Variants in THSD7B observed in about 807,000 individuals in gnomAD.
THSD7B encodes thrombospondin type 1 domain containing 7B.
A neutral mutation model predicts 213.6 loss-of-function variants in THSD7B; 138 were observed. The ratio of observed to expected loss-of-function variants is 0.65; its 90% CI spans 0.56 to 0.74. THSD7B has a LOEUF of 0.74. Ranked by LOEUF, THSD7B falls within the 30% of genes least tolerant of loss-of-function variation. The pLI is 0.00. For synonymous variants in THSD7B, 742 were observed against 687.0 expected (o/e 1.08, Z -1.25); for missense variants, 1,931 against 1,991.5 (o/e 0.97, Z 0.58).
At chr2:136,855,511 C>A (rs990726099) in intron 1 of THSD7B, among the ~76,000 whole-genome samples, 4 of 152,136 alleles carry the variant, frequency 2.6e-5, no homozygotes, top group African/African-American at 9.7e-5. Flanking sequence ...CTGCAGCCTC[C>A]ACCTCCCAGG....
intron 12 of THSD7B, among the ~76,000 whole-genome samples, chr2:137,345,935 C>T (rs1319540962): frequency 6.6e-6 from 1 of 151,526 alleles, no homozygotes; most frequent in Non-Finnish European, 1.5e-5. Context: ...TATTTGCACC[C>T]ACTTTGATGA....
intron 1 of THSD7B, among the ~76,000 whole-genome samples, chr2:136,770,475 A>G (rs1318795871): frequency 1.3e-5 from 2 of 152,202 alleles, no homozygotes; most frequent in Non-Finnish European, 2.9e-5. Flanking sequence ...ATTGAAATAC[A>G]TGTGCTCCAG....
intron 7 of THSD7B, among the ~76,000 whole-genome samples, chr2:137,225,777 A>G (rs1681483659): frequency 8.6e-6 from 1 of 116,002 alleles, no homozygotes; most frequent in Non-Finnish European, 1.9e-5. Flanking sequence ...GAGTTTCTTT[A>G]TGTATTTCCT....
intron 2 of THSD7B, among the ~76,000 whole-genome samples, chr2:136,982,001 T>C (rs1487606847): frequency 6.6e-6 from 1 of 152,192 alleles, no homozygotes; most frequent in African/African-American, 2.4e-5. Flanking sequence ...TTGACATAAA[T>C]GTGATGCCAT....
At position 137,098,199 on chromosome 2, in the gene THSD7B, C is replaced by T. The variant is rs185755617; in HGVS notation, c.1199+3078C>T. Among the ~76,000 whole-genome samples, 616 of 152,310 alleles carry T rather than the reference C, an allele frequency of 4.0e-3. 5 individuals carry two copies. The highest frequency in any genetic ancestry group is 0.013 in the African/African-American group (559 of 41,570). ...CTTATTTCTCTCCAAGAAGTAAATG[C>T]ATGCCTATTTGATTCTTCATAGTGT... On this transcript the variant is annotated intron_variant, in intron 4 of 27. Transcript: ENST00000409968.
At position 136,791,435 on chromosome 2, in the gene THSD7B, T is replaced by C. The variant is rs550124334; in HGVS notation, c.-36+25748T>C. On this transcript the variant is annotated intron_variant, in intron 1 of 27. Transcript: ENST00000409968. Reference sequence around the variant, plus strand: ...ACAATACAATGGTGTTTAGTATATATATGAAGTGGTGCAGCCATCACTACA... The same window carrying C: ...ACAATACAATGGTGTTTAGTATATACATGAAGTGGTGCAGCCATCACTACA... Among the ~76,000 whole-genome samples, 5 of 152,086 alleles carry C rather than the reference T, an allele frequency of 3.3e-5. No individual in the cohort carries two copies. In the South Asian group the frequency reaches 1.0e-3, roughly 31 times the overall value.
At chr2:137,094,131 ATTTC>A (rs940067903) in intron 3 of THSD7B, among the ~76,000 whole-genome samples, 1 of 152,218 alleles carries the variant, frequency 6.6e-6, no homozygotes, top group Non-Finnish European at 1.5e-5. Flanking sequence ...CTGAGCCTAA[ATTTC>A]TTTATCTATC....
chr2:137,440,995 T>A (rs1687396950), intron 14 of THSD7B, among the ~76,000 whole-genome samples: 1 of 152,146 alleles, frequency 6.6e-6, no homozygotes, highest in East Asian at 1.9e-4. Context: ...ATGAAGCTGC[T>A]ATTTAAAGAG....
chr2:137,528,333 G>A (rs946521483), intron 15 of THSD7B, among the ~76,000 whole-genome samples: 1 of 152,076 alleles, frequency 6.6e-6, no homozygotes, highest in Admixed American at 6.6e-5. Context: ...GATAACTGCT[G>A]CCATGTCATT....
intron 1 of THSD7B, among the ~76,000 whole-genome samples, chr2:136,861,845 C>T (rs1389217787): frequency 6.6e-6 from 1 of 152,180 alleles, no homozygotes; most frequent in East Asian, 1.9e-4. Flanking sequence ...GGTTCTGGCT[C>T]AGGATCTTTC....
At chr2:137,413,572 A>C (rs1558789413) in intron 14 of THSD7B, among the ~76,000 whole-genome samples, 1 of 152,244 alleles carries the variant, frequency 6.6e-6, no homozygotes, top group Non-Finnish European at 1.5e-5. Context: ...TACAAAGCAC[A>C]TAACAAGGTT....
At chr2:137,573,347 A>G (rs1335609205) in intron 17 of THSD7B, among the ~76,000 whole-genome samples, 1 of 152,136 alleles carries the variant, frequency 6.6e-6, no homozygotes, top group African/African-American at 2.4e-5. Context: ...TGGAAAGACT[A>G]TGAAAATCTC....
chr2:137,334,127 G>A (rs755071437), intron 12 of THSD7B, among the ~76,000 whole-genome samples: 1 of 151,948 alleles, frequency 6.6e-6, no homozygotes, highest in Non-Finnish European at 1.5e-5. Flanking sequence ...TTGACATACC[G>A]GCTAATCACG....
intron 3 of THSD7B, among the ~76,000 whole-genome samples, chr2:137,070,652 G>T (rs1279053208): frequency 6.6e-6 from 1 of 151,694 alleles, no homozygotes; most frequent in African/African-American, 2.4e-5. Flanking sequence ...ATGTTGGTGT[G>T]CTGCACCCAT....
intron 7 of THSD7B, among the ~76,000 whole-genome samples, chr2:137,174,444 A>G (rs1289434211): frequency 1.3e-5 from 2 of 152,210 alleles, no homozygotes; most frequent in Non-Finnish European, 2.9e-5. Flanking sequence ...ACCAGGGAGT[A>G]TATGGAAATA....
chr2:136,923,687 GT>G (rs1684474425), intron 2 of THSD7B, among the ~76,000 whole-genome samples: 2 of 152,124 alleles, frequency 1.3e-5, no homozygotes, highest in African/African-American at 4.8e-5. Context: ...GTTTTGGCTT[GT>G]GTGACTCTTA....
chr2:136,781,515 G>C (rs1383839698), intron 1 of THSD7B, among the ~76,000 whole-genome samples: 7 of 151,380 alleles, frequency 4.6e-5, no homozygotes, highest in Non-Finnish European at 1.0e-4. Context: ...CAGATGATCT[G>C]CCCTTCTCGG....
intron 5 of THSD7B, among the ~76,000 whole-genome samples, chr2:137,154,499 T>A (rs1679876356): frequency 6.6e-6 from 1 of 152,206 alleles, no homozygotes; most frequent in African/African-American, 2.4e-5. Flanking sequence ...ACATGGTTAT[T>A]AATTATAATT....
intron 2 of THSD7B, among the ~76,000 whole-genome samples, chr2:136,914,111 G>A (rs146892600): frequency 0.013 from 2,032 of 152,336 alleles, 32 homozygotes; most frequent in East Asian, 0.075. Context: ...TTGCATCAGC[G>A]TAACCTGGAT....
Sources: gnomAD v4.1 joint callset for allele counts (sites outside exome capture counted in the v4.1 genomes callset) on GRCh38, gnomAD v4.1.1 for gene constraint, MANE v1.5 for transcripts, NCBI Gene and HGNC (gene_info 2026-07-23, HGNC 2026-07-21) for gene names.